Variants in ZNF469 observed in about 807,000 individuals in gnomAD.
ZNF469 encodes the protein zinc finger protein 469.
A neutral mutation model predicts 1.0 loss-of-function variants in ZNF469; 1 was observed. The observed-to-expected ratio is 1.00, with a 90% confidence interval of 0.35 to 4.73. ZNF469 has a LOEUF of 4.73. Ranked by LOEUF, ZNF469 falls within the 30% of genes most tolerant of loss-of-function variation. ZNF469 has a pLI of 0.16. For synonymous variants in ZNF469, 2,703 were observed against 2,363.4 expected (o/e 1.14, Z -4.17); for missense variants, 6,100 against 5,356.3 (o/e 1.14, Z -4.33).
At position 88,438,992 on chromosome 16, in the gene ZNF469, C is replaced by T. The variant is rs1348944939; in HGVS notation, c.11522C>T (p.Pro3841Leu). The T allele has an allele frequency of 6.4e-7, 1 of 1,550,402 alleles. No individual in the cohort carries two copies. Among genetic ancestry groups the T allele is most frequent in the Non-Finnish European group, 8.7e-7 (1 of 1,146,960 alleles). ...AGCTTCGGGAGAGCCCCCTCAGCCC[C>T]TGACAAGCCCCCCCGGACCCCTCGG... Reference protein sequence around the residue: ...VGSFGRAPSAPDKPPRTPRKQ... With the variant: ...VGSFGRAPSALDKPPRTPRKQ... Residue 3841 changes from proline to leucine, a missense_variant, in exon 3 of 3, where the codon CCT (proline) becomes CTT (leucine). Coordinates refer to ENST00000565624, the MANE Select transcript of ZNF469 (RefSeq NM_001367624.2).
At chr16:88,169,913 G>A in the ZNF469 span, among the ~76,000 whole-genome samples, 1 of 152,216 alleles carries the variant, frequency 6.6e-6, no homozygotes, top group Non-Finnish European at 1.5e-5. This position sits in a 1 kb window ranked among gnomAD's most constrained non-coding sequence, Gnocchi z 6.1. Context: ...AGTGGCACCT[G>A]GCTGGGGTTT....
chr16:88,430,712 G>C lies in ZNF469; in HGVS notation c.3242G>C (p.Arg1081Pro), dbSNP rs772048474. ...RCGSLAAGRP[R>P]PGAEDRRLRE... The stretch of plus-strand genomic sequence containing the variant: ...GGCTCCCTGGCGGCGGGGAGGCCCC[G>C]GCCCGGAGCTGAGGACCGCAGGCTC... Residue 1081 changes from arginine (R) to proline (P), a missense_variant, in exon 3 of 3, where the codon CGG (arginine) becomes CCG (proline). Coordinates refer to ENST00000565624, the MANE Select transcript of ZNF469 (RefSeq NM_001367624.2). The C allele has an allele frequency of 1.8e-5, 26 of 1,479,340 alleles. No individual in the cohort carries two copies. The highest frequency in any genetic ancestry group is 2.0e-5 in the Non-Finnish European group (22 of 1,124,690). 91.6% of individuals were successfully genotyped at this position (1,479,340 alleles called of 1,614,324 possible).
the ZNF469 span, among the ~76,000 whole-genome samples, chr16:88,251,447 T>C: frequency 5.3e-5 from 8 of 151,848 alleles, no homozygotes. Flanking sequence ...TTCTGAAGAT[T>C]GTTGCTTTTT....
the ZNF469 span, among the ~76,000 whole-genome samples, chr16:88,325,588 C>T: frequency 2.6e-5 from 4 of 152,248 alleles, no homozygotes; most frequent in Non-Finnish European, 4.4e-5. Context: ...CACCAGGACA[C>T]AGTGTCCCAG....
chr16:88,421,834 A>G (rs1269736682), intron 1 of ZNF469, among the ~76,000 whole-genome samples: 2 of 152,232 alleles, frequency 1.3e-5, no homozygotes, highest in East Asian at 1.9e-4. Context: ...CTGGGCTGCA[A>G]CTTCCTCACT....
Position 88,432,175 on chromosome 16 carries a change from A to T in ZNF469, c.4705A>T (p.Thr1569Ser). ...TGAACTGGAGATCCAGAAATTGGTCACCGAATTAGAAAGTCAGCTGCAAAG... is the reference window on the plus strand; with the variant it reads ...TGAACTGGAGATCCAGAAATTGGTCTCCGAATTAGAAAGTCAGCTGCAAAG... ...EDELEIQKLV[T>S]ELESQLQRSK... The change falls in exon 3 of 3, where the codon ACC becomes TCC. Residue 1569 changes from threonine (T) to serine (S), a missense_variant. Thr to Ser is a moderately conservative substitution (Grantham distance 58). Coordinates refer to ENST00000565624, the MANE Select transcript of ZNF469 (RefSeq NM_001367624.2). 1 of 1,550,326 alleles carries T rather than the reference A, an allele frequency of 6.5e-7. No individual in the cohort carries two copies. The highest frequency in any genetic ancestry group is 8.7e-7 in the Non-Finnish European group (1 of 1,146,978).
chr16:88,386,422 A>G (rs575398368), intron 1 of ZNF469, among the ~76,000 whole-genome samples: 2 of 151,446 alleles, frequency 1.3e-5, no homozygotes, highest in South Asian at 2.1e-4. Context: ...CTTCTCCCCT[A>G]GACATCACCC....
At chr16:88,334,886 G>A in the ZNF469 span, among the ~76,000 whole-genome samples, 8 of 151,852 alleles carry the variant, frequency 5.3e-5, no homozygotes, top group East Asian at 5.8e-4. Context: ...GGAAGATGCC[G>A]ACGGAACGAC....
At chr16:88,124,707 C>A in the ZNF469 span, among the ~76,000 whole-genome samples, 1 of 152,142 alleles carries the variant, frequency 6.6e-6, no homozygotes, top group Non-Finnish European at 1.5e-5. Flanking sequence ...GCCTCAGTCT[C>A]CCGAGTAGGT....
chr16:88,247,007 G>A, the ZNF469 span, among the ~76,000 whole-genome samples: 3 of 151,672 alleles, frequency 2.0e-5, no homozygotes, highest in East Asian at 2.0e-4. Context: ...GAGTGAATGA[G>A]TGAATCAATG....
rs1293649332 is a variant in ZNF469, at chr16:88,437,849, G to C, written c.10379G>C (p.Gly3460Ala). 1 of 1,540,402 alleles carries C rather than the reference G, an allele frequency of 6.5e-7. No individual in the cohort carries two copies. Among genetic ancestry groups the C allele is most frequent in the African/African-American group, 1.4e-5 (1 of 72,896 alleles). ...FRGVRRPGAP[G>A]QKARALEGTL... The stretch of plus-strand genomic sequence containing the variant: ...GGCGTGCGGAGGCCGGGAGCGCCGG[G>C]ACAGAAGGCCCGGGCCCTCGAGGGC... Residue 3460 changes from glycine (G) to alanine (A), a missense_variant, in exon 3 of 3, where the codon GGA becomes GCA. Gly to Ala is a moderately conservative substitution (Grantham distance 60, BLOSUM62 0). Transcript: ENST00000565624.
chr16:88,318,356 C>T, the ZNF469 span, among the ~76,000 whole-genome samples: 2 of 151,574 alleles, frequency 1.3e-5, no homozygotes, highest in South Asian at 4.2e-4. Context: ...GGAGACGCTG[C>T]CCCCCCTTCC....
the ZNF469 span, among the ~76,000 whole-genome samples, chr16:88,120,760 G>A: frequency 1.3e-5 from 2 of 152,204 alleles, no homozygotes. Context: ...GCTGGAAAAT[G>A]GAACTCGGAG....
At chr16:88,313,082 G>T in the ZNF469 span, among the ~76,000 whole-genome samples, 2 of 152,236 alleles carry the variant, frequency 1.3e-5, no homozygotes, top group Non-Finnish European at 2.9e-5. Context: ...CAGGGTCAGT[G>T]TTAGGGTCTT....
At position 88,428,509 on chromosome 16, in the gene ZNF469, C is replaced by A. The variant is rs1397564771; in HGVS notation, c.1039C>A (p.Arg347Ser). ...CYQGQPGGLNRHSDLSGALSS... is the reference protein window; with the variant it reads ...CYQGQPGGLNSHSDLSGALSS... ...CCAGGGCCAGCCAGGTGGCCTGAAC[C>A]GCCACAGCGACCTCAGTGGTGCCCT... The change falls in exon 3 of 3, where the codon CGC becomes AGC. Residue 347 changes from arginine to serine, a missense_variant. By Grantham distance (110) the Arg-to-Ser change is moderately radical. Coordinates refer to ENST00000565624, the MANE Select transcript of ZNF469 (RefSeq NM_001367624.2). 2 of 1,549,750 alleles carry A rather than the reference C, an allele frequency of 1.3e-6. No individual in the cohort carries two copies. The highest frequency in any genetic ancestry group is 4.9e-5 in the East Asian group (2 of 40,924).
intron 1 of ZNF469, among the ~76,000 whole-genome samples, chr16:88,388,413 G>A (rs531282668): frequency 4.6e-5 from 7 of 152,344 alleles, no homozygotes; most frequent in South Asian, 2.1e-4. Flanking sequence ...GGCCGGGCAC[G>A]GCAGCCGCCT....
chr16:88,340,957 A>C, the ZNF469 span, among the ~76,000 whole-genome samples: 2 of 152,002 alleles, frequency 1.3e-5, no homozygotes, highest in African/African-American at 2.4e-5. Flanking sequence ...AGGACCCTGC[A>C]GAGAGAGCCC....
chr16:88,273,056 A>G, the ZNF469 span, among the ~76,000 whole-genome samples: 1 of 151,268 alleles, frequency 6.6e-6, no homozygotes, highest in Non-Finnish European at 1.5e-5. Flanking sequence ...ACGAGTGGAT[A>G]GATGGATGAA....
the ZNF469 span, among the ~76,000 whole-genome samples, chr16:88,207,883 T>A: frequency 6.6e-6 from 1 of 152,032 alleles, no homozygotes; most frequent in East Asian, 1.9e-4. Context: ...AAAGTCCCCT[T>A]TCCATATGAA....
Sources: gnomAD v4.1 joint callset for allele counts (sites outside exome capture counted in the v4.1 genomes callset) on GRCh38, gnomAD v4.1.1 for gene constraint, Gnocchi (gnomAD v3.1) non-coding constraint, MANE v1.5 for transcripts, NCBI Gene and HGNC (gene_info 2026-07-23, HGNC 2026-07-21) for gene names.